The following CDK5RAP2 variants were observed in gnomAD, a reference collection of about 807,000 sequenced individuals.
The protein encoded by CDK5RAP2 is CDK5 regulatory subunit-associated protein 2.
A neutral mutation model predicts 232.9 loss-of-function variants in CDK5RAP2; 147 were observed. That is an observed-to-expected ratio of 0.63 (90% CI 0.55 to 0.72). The LOEUF (loss-of-function observed/expected upper bound fraction) is 0.72, where lower values mean the gene tolerates loss of function less well. CDK5RAP2 is among the 30% of genes least tolerant of loss of function. CDK5RAP2 has a pLI of 0.00. For missense variants in CDK5RAP2, 2,195 were observed against 2,231.5 expected (o/e 0.98, Z 0.33); for synonymous variants, 833 against 833.7 (o/e 1.00, Z 0.01).
chr9:120,495,088 CG>C (rs1449773014), intron 12 of CDK5RAP2, among the ~76,000 whole-genome samples: 1 of 55,748 alleles, frequency 1.8e-5, no homozygotes, highest in Non-Finnish European at 3.2e-5. Context: ...ACGGGCCCCG[CG>C]GGGCCCGAGG....
chr9:120,460,181 G>A (rs1588397360), intron 19 of CDK5RAP2, among the ~76,000 whole-genome samples: 1 of 152,114 alleles, frequency 6.6e-6, no homozygotes, highest in Non-Finnish European at 1.5e-5. Context: ...CCAGAAACAA[G>A]GGTTCTTATC....
At chr9:120,504,505 C>G (rs1490468103) in intron 12 of CDK5RAP2, among the ~76,000 whole-genome samples, 1 of 152,194 alleles carries the variant, frequency 6.6e-6, no homozygotes, top group Non-Finnish European at 1.5e-5. Flanking sequence ...CTCCCTACCC[C>G]GCATCCCACT....
chr9:120,397,260 A>G (rs1588221943), intron 35 of CDK5RAP2, among the ~76,000 whole-genome samples: 1 of 152,228 alleles, frequency 6.6e-6, no homozygotes, highest in Non-Finnish European at 1.5e-5. Flanking sequence ...GTGCCCATCC[A>G]GCTTCAGCAA....
rs770936701 is a variant in CDK5RAP2 at position 120,447,968 on chromosome 9, T to A, written c.2952A>T (p.Gln984His). The A allele has an allele frequency of 1.9e-6, 3 of 1,614,152 alleles. No individual in the cohort carries two copies. The highest frequency in any genetic ancestry group is 2.2e-5 in the South Asian group (2 of 91,076). ...ELKEFKTCNK[Q>H]LHQKLILAEA... ...CAGCCAGAATTAACTTTTGGTGAAGTTGCTTATTACAAGTTTTAAACTCCT... is the reference window on the plus strand; with the variant it reads ...CAGCCAGAATTAACTTTTGGTGAAGATGCTTATTACAAGTTTTAAACTCCT... Residue 984 changes from glutamine to histidine, a missense_variant, in exon 22 of 38, where the codon CAA becomes CAT. Coordinates refer to ENST00000349780, the MANE Select transcript of CDK5RAP2 (RefSeq NM_018249.6).
chr9:120,418,165 A>T (rs1486187517), intron 27 of CDK5RAP2, among the ~76,000 whole-genome samples: 3 of 152,218 alleles, frequency 2.0e-5, no homozygotes, highest in African/African-American at 7.2e-5. Flanking sequence ...AAAAAAGATG[A>T]TGGTGGGCTT....
intron 25 of CDK5RAP2, among the ~76,000 whole-genome samples, chr9:120,434,401 GC>G (rs2035456920): frequency 6.6e-6 from 1 of 152,004 alleles, no homozygotes; most frequent in African/African-American, 2.4e-5. Context: ...GGCTTTGCAG[GC>G]CCTTATCTGG....
Position 120,467,879 on chromosome 9 carries a change from G to A in CDK5RAP2, c.2087C>T (p.Ala696Val), listed in dbSNP as rs369208545. Residue 696 changes from alanine (A) to valine (V), a missense_variant, in exon 18 of 38, where the codon GCG becomes GTG. Coordinates refer to ENST00000349780, the MANE Select transcript of CDK5RAP2 (RefSeq NM_018249.6). ...FQGNGFPDRL[A>V]STEQTELLAS... ...TCTTACCTCTGTTTGTTCTGTAGAC[G>A]CAAGTCTATCTGGAAACCCATTTCC... 3.4e-5 allele frequency: 55 copies of A among 1,614,060 alleles called. No individual in the cohort carries two copies. In the Admixed American group the frequency reaches 3.7e-4, roughly 11 times the overall value.
At chr9:120,518,213 G>GAGAC (rs376247639) in intron 12 of CDK5RAP2, among the ~76,000 whole-genome samples, 97 of 118,094 alleles carry the variant, frequency 8.2e-4, no homozygotes, top group South Asian at 4.0e-3. Context: ...GTGTGTGTGA[G>GAGAC]AGAGAGAGAG....
chr9:120,484,738 T>C (rs567906301), intron 14 of CDK5RAP2, among the ~76,000 whole-genome samples: 16 of 151,798 alleles, frequency 1.1e-4, no homozygotes, highest in African/African-American at 3.9e-4. Context: ...AATAAATAAA[T>C]AAATAAAGAG....
rs1320795177 is a variant in CDK5RAP2 at position 120,419,853 on chromosome 9, G to A, written c.4112C>T (p.Ser1371Leu). The A allele has an allele frequency of 6.8e-6, 11 of 1,613,782 alleles. No homozygotes were observed. Among genetic ancestry groups the A allele is most frequent in the South Asian group, 3.3e-5 (3 of 91,084 alleles). The change falls in exon 27 of 38, where the codon TCA (serine) becomes TTA (leucine). Residue 1371 changes from serine to leucine, a missense_variant. Ser to Leu is a moderately radical substitution (Grantham distance 145, BLOSUM62 -2). Coordinates refer to ENST00000349780, the MANE Select transcript of CDK5RAP2 (RefSeq NM_018249.6). ...CTCATTATCTTGCTTCTGGTCTCGT[G>A]AGAAGAAGGACTTTTCAGATGTTTC... Reference protein sequence around the residue: ...DYETSEKSFFSRDQKQDNETE... With the variant: ...DYETSEKSFFLRDQKQDNETE...
intron 18 of CDK5RAP2, among the ~76,000 whole-genome samples, chr9:120,463,515 C>A (rs1409716042): frequency 1.3e-5 from 2 of 152,142 alleles, no homozygotes; most frequent in Non-Finnish European, 2.9e-5. Context: ...CAGGAAAGGT[C>A]CCCAAAGACC....
intron 14 of CDK5RAP2, among the ~76,000 whole-genome samples, chr9:120,478,310 G>A (rs1315069891): frequency 6.6e-6 from 1 of 152,208 alleles, no homozygotes; most frequent in Non-Finnish European, 1.5e-5. Context: ...TAAAAGATAT[G>A]TGTATAGCAT....
chr9:120,440,698 C>T (rs778503689), intron 23 of CDK5RAP2, among the ~76,000 whole-genome samples: 13 of 152,200 alleles, frequency 8.5e-5, no homozygotes, highest in South Asian at 4.1e-4. Context: ...CCAGACTGCA[C>T]GTTTCTTCAC....
At chr9:120,537,751 T>C (rs189504867) in intron 6 of CDK5RAP2, among the ~76,000 whole-genome samples, 1 of 151,700 alleles carries the variant, frequency 6.6e-6, no homozygotes, top group African/African-American at 2.4e-5. Flanking sequence ...TCACAGAGGT[T>C]TACTGAAAAG....
rs770769297 is a variant in CDK5RAP2, at chr9:120,527,790, A to C, written c.999+16T>G. On this transcript the variant is annotated intron_variant, in intron 10 of 37. Transcript: ENST00000349780. ...GCTAATAAAGAAAAATCTTACTTCAAGTGTATCAGACATACCTTTTTTTCC... is the reference window on the plus strand; with the variant it reads ...GCTAATAAAGAAAAATCTTACTTCACGTGTATCAGACATACCTTTTTTTCC... 4 of 1,612,586 alleles carry C rather than the reference A, an allele frequency of 2.5e-6. 1 individual carries two copies. The Middle Eastern group carries it at 7.1e-4, about 285-fold the overall frequency.
intron 35 of CDK5RAP2, among the ~76,000 whole-genome samples, chr9:120,397,005 A>C (rs2032522981): frequency 6.6e-6 from 1 of 152,198 alleles, no homozygotes; most frequent in Non-Finnish European, 1.5e-5. Context: ...AGATTTCCGC[A>C]AGGGATCAAA....
At chr9:120,435,079 A>G (rs974949303) in intron 25 of CDK5RAP2, among the ~76,000 whole-genome samples, 4 of 152,244 alleles carry the variant, frequency 2.6e-5, no homozygotes, top group African/African-American at 7.2e-5. Context: ...ACAAATAAAA[A>G]CAAATGAATC....
intron 3 of CDK5RAP2, among the ~76,000 whole-genome samples, chr9:120,552,222 G>A (rs2132065629): frequency 6.6e-6 from 1 of 152,026 alleles, no homozygotes. Flanking sequence ...TGGAGAAATA[G>A]GAACACTTTT....
At position 120,450,820 on chromosome 9, in the gene CDK5RAP2, G is replaced by A. The variant is rs138003249; in HGVS notation, c.2793+2636C>T. Among the ~76,000 whole-genome samples, 19 of 152,318 alleles carry A rather than the reference G, an allele frequency of 1.2e-4. No homozygotes were observed. The East Asian group carries it at 3.7e-3, about 29-fold the overall frequency. On this transcript the variant is annotated intron_variant, in intron 21 of 37. Coordinates refer to ENST00000349780, the MANE Select transcript of CDK5RAP2 (RefSeq NM_018249.6). ...TAGTCCAATGTCACAGTGCAAGAAG[G>A]TTCAAGAGTCAGACCTCAGACTAGC...
Sources: allele counts gnomAD v4.1 joint callset (sites outside exome capture counted in the v4.1 genomes callset), GRCh38; gene constraint gnomAD v4.1.1; transcripts MANE v1.5; gene names NCBI Gene and HGNC (gene_info 2026-07-23, HGNC 2026-07-21).